The following ZFPM1 variants were observed in gnomAD, a reference collection of about 807,000 sequenced individuals.
The protein encoded by ZFPM1 is zinc finger protein ZFPM1.
Under a neutral mutation model 46.3 loss-of-function variants are expected in ZFPM1, and 28 were observed. The ratio of observed to expected loss-of-function variants is 0.60; its 90% CI spans 0.45 to 0.83. ZFPM1 has a LOEUF of 0.83. Ranked by LOEUF, ZFPM1 falls within the 40% of genes least tolerant of loss-of-function variation. The probability of loss-of-function intolerance (pLI) is 0.00; values close to 1 mark genes in which losing one functional copy is unlikely to be tolerated. For missense variants in ZFPM1, 1,878 were observed against 1,432.4 expected, an observed-to-expected ratio of 1.31 and a Z score of -5.02; for synonymous variants, 957 against 675.9, an observed-to-expected ratio of 1.42 and a Z score of -6.45.
At chr16:88,504,560 A>G (rs934639529) in intron 3 of ZFPM1, among the ~76,000 whole-genome samples, 11 of 152,124 alleles carry the variant, frequency 7.2e-5, no homozygotes, top group African/African-American at 2.4e-4. Flanking sequence ...GAGGTGCCGC[A>G]GAGTGGCAGA....
chr16:88,522,485 C>T (rs1911973884), intron 4 of ZFPM1, among the ~76,000 whole-genome samples: 1 of 152,234 alleles, frequency 6.6e-6, no homozygotes, highest in Non-Finnish European at 1.5e-5. Flanking sequence ...GGCCGTTTGG[C>T]TCCATGGGCC....
At position 88,534,870 on chromosome 16, in the gene ZFPM1, G is replaced by C; in HGVS notation, c.2912G>C (p.Gly971Ala). 6.4e-7 allele frequency: 1 copy of C among 1,567,104 alleles called. No homozygotes were observed. Among genetic ancestry groups the C allele is most frequent in the Non-Finnish European group, 8.6e-7 (1 of 1,162,324 alleles). The change falls in exon 10 of 10, where the codon GGC becomes GCC. Residue 971 changes from glycine to alanine, a missense_variant. Transcript: ENST00000319555. ...GGCACGCCGGCGCCGCTGCCCAACG[G>C]CAACCACCGGTACTGCCGTCTTTGC... ...SKGTPAPLPN[G>A]NHRYCRLCNI...
rs1172861959 is a variant in ZFPM1, at chr16:88,480,471, C to T, written c.41-5468C>T. Among the ~76,000 whole-genome samples, 3 of 152,124 alleles carry T rather than the reference C, an allele frequency of 2.0e-5. No individual in the cohort carries two copies. The highest frequency in any genetic ancestry group is 2.9e-5 in the Non-Finnish European group (2 of 67,988). ...GGTGCTGGTGGGGGAGGAGCGGGGC[C>T]GTGTGGCTGCCAGTGGTCACCCGCC... On this transcript the variant is annotated intron_variant, in intron 1 of 9. Coordinates refer to ENST00000319555, the MANE Select transcript of ZFPM1 (RefSeq NM_153813.3). The surrounding 1 kb of genome is among the most constrained non-coding windows in gnomAD (Gnocchi z 4.9).
intron 1 of ZFPM1, among the ~76,000 whole-genome samples, chr16:88,477,186 CAT>C (rs1178492560): frequency 6.6e-6 from 1 of 152,236 alleles, no homozygotes; most frequent in Non-Finnish European, 1.5e-5. Context: ...GCACAGTTCA[CAT>C]GAGTGCCGGG....
rs1913059598 is a variant in ZFPM1, at chr16:88,534,127, C to T, written c.2169C>T (p.Pro723=). ...PPRRPAAPPG[P]PGPAAPPAPS... ...GCCGACCGGCCGCGCCCCCGGGACC[C>T]CCTGGGCCGGCCGCGCCCCCGGCCC... is the stretch of plus-strand genomic sequence containing the variant. The change falls in exon 10 of 10, where the codon CCC becomes CCT. Residue 723 remains proline, a synonymous_variant. Transcript: ENST00000319555. 5 of 1,016,576 alleles carry T rather than the reference C, an allele frequency of 4.9e-6. No homozygotes were observed. Among genetic ancestry groups the T allele is most frequent in the Non-Finnish European group, 5.9e-6 (5 of 849,112 alleles). The allele number at this position is 1,016,576 out of a possible 1,614,324, so 63.0% of individuals were successfully genotyped here.
Position 88,534,984 on chromosome 16 carries a change from C to A in ZFPM1, c.*5C>A. On this transcript the variant is annotated 3_prime_UTR_variant, in exon 10 of 10. Transcript: ENST00000319555. ...GCCGCCGAGCACGTGAAGTGAGCGC[C>A]CACACTACAGCCGCAGACGCTTTGC... 2 of 1,420,510 alleles carry A rather than the reference C, an allele frequency of 1.4e-6. No individual in the cohort carries two copies. The highest frequency in any genetic ancestry group is 1.9e-6 in the Non-Finnish European group (2 of 1,072,248). The allele number at this position is 1,420,510 out of a possible 1,614,324, so 88.0% of individuals were successfully genotyped here.
rs1247682327 is a variant in ZFPM1, at chr16:88,501,661, G to A, written c.268+12508G>A. Among the ~76,000 whole-genome samples, 179 of 136,276 alleles carry A rather than the reference G, an allele frequency of 1.3e-3. 11 individuals are homozygous for A. The highest frequency in any genetic ancestry group is 3.0e-3 in the South Asian group (12 of 3,948). The allele number at this position is 136,276 out of a possible 152,430, so 89.4% of individuals were successfully genotyped here. ...TGCGTGGGCCATCGCGCAGGTGCTG[G>A]TGATGATAGAGATAGCGGGTGTGGG... On this transcript the variant is annotated intron_variant, in intron 3 of 9. Coordinates refer to ENST00000319555, the MANE Select transcript of ZFPM1 (RefSeq NM_153813.3).
chr16:88,484,272 C>G (rs1338432686), intron 1 of ZFPM1, among the ~76,000 whole-genome samples: 1 of 152,302 alleles, frequency 6.6e-6, no homozygotes, highest in Non-Finnish European at 1.5e-5. Flanking sequence ...AAGCCAGGAA[C>G]CACCTAGCCA....
intron 3 of ZFPM1, among the ~76,000 whole-genome samples, chr16:88,505,925 C>T (rs1305640715): frequency 2.6e-5 from 4 of 152,164 alleles, no homozygotes; most frequent in Non-Finnish European, 5.9e-5. Flanking sequence ...AGGCACCCCC[C>T]GCACCCCCAG....
intron 4 of ZFPM1, among the ~76,000 whole-genome samples, chr16:88,520,833 G>A (rs1597275153): frequency 1.1e-5 from 1 of 92,742 alleles, no homozygotes; most frequent in Non-Finnish European, 2.2e-5. Context: ...GGATGGATGG[G>A]AGGGAGGGAG....
At chr16:88,487,076 G>A (rs780115567) in intron 2 of ZFPM1, among the ~76,000 whole-genome samples, 7 of 152,186 alleles carry the variant, frequency 4.6e-5, no homozygotes, top group Admixed American at 1.3e-4. Flanking sequence ...TTCCCAAGCC[G>A]GAAGGAGGGC....
chr16:88,488,249 G>C (rs1182505589), intron 2 of ZFPM1, among the ~76,000 whole-genome samples: 1 of 152,104 alleles, frequency 6.6e-6, no homozygotes, highest in African/African-American at 2.4e-5. Context: ...GGCTTCCCGG[G>C]GAGCCAGGCT....
At chr16:88,502,650 A>G (rs915388169) in intron 3 of ZFPM1, among the ~76,000 whole-genome samples, 43 of 152,296 alleles carry the variant, frequency 2.8e-4, no homozygotes, top group African/African-American at 9.9e-4. Context: ...CGCAGGTCGG[A>G]GCCACCCGGT....
intron 1 of ZFPM1, among the ~76,000 whole-genome samples, chr16:88,485,300 G>C (rs1174589770): frequency 2.0e-5 from 3 of 152,198 alleles, no homozygotes; most frequent in African/African-American, 4.8e-5. Flanking sequence ...GAGACACGGG[G>C]TCCGCGGCCC....
At position 88,469,556 on chromosome 16, in the gene ZFPM1, T is replaced by C. The variant is rs1908317015; in HGVS notation, c.40+15878T>C. 6.6e-6 allele frequency among the ~76,000 whole-genome samples: 1 copy of C among 152,144 alleles called. No individual in the cohort carries two copies. The highest frequency in any genetic ancestry group is 1.5e-5 in the Non-Finnish European group (1 of 68,020). ...CCAGGAGACCATGTCTACAGGGGGC[T>C]TAGGACACCTTAGGGGGCATGCACC... On this transcript the variant is annotated intron_variant, in intron 1 of 9. Coordinates refer to ENST00000319555, the MANE Select transcript of ZFPM1 (RefSeq NM_153813.3). The surrounding 1 kb of genome is among the most constrained non-coding windows in gnomAD (Gnocchi z 4.3).
Position 88,533,930 on chromosome 16 carries a change from GC to G in ZFPM1, c.1973del (p.Ala658GlyfsTer140). Reference protein sequence around the residue: ...AGGAATPEDGAGGRGSEGSQS... With the variant: ...AGGAATPEDGXGGRGSEGSQS... ...GGGCGCGGCCACGCCCGAGGACGGC[GC>G]GGGCGGCCGGGGCAGCGAGGGCAGC... On this transcript the variant is annotated frameshift_variant, in exon 10 of 10. Transcript: ENST00000319555. LOFTEE classifies it low-confidence loss of function (END_TRUNC). The G allele has an allele frequency of 8.0e-7, 1 of 1,248,826 alleles. No homozygotes were observed. The highest frequency in any genetic ancestry group is 1.0e-6 in the Non-Finnish European group (1 of 976,876). 77.4% of individuals were successfully genotyped at this position (1,248,826 alleles called of 1,614,324 possible).
chr16:88,534,072 A>C lies in ZFPM1; in HGVS notation c.2114A>C (p.Tyr705Ser). 8.2e-7 allele frequency: 1 copy of C among 1,225,126 alleles called. No homozygotes were observed. The highest frequency in any genetic ancestry group is 1.6e-5 in the African/African-American group (1 of 61,130). The allele number at this position is 1,225,126 out of a possible 1,614,324, so 75.9% of individuals were successfully genotyped here. A position where few individuals can be genotyped will look rare whatever the true frequency, so the allele number is the denominator to read the frequency against. Reference sequence around the variant, plus strand: ...ACCTACACCGTGCACAAGCGGTACTACTGCGCCTCGCGCCACGACCCGCCG... The same window carrying C: ...ACCTACACCGTGCACAAGCGGTACTCCTGCGCCTCGCGCCACGACCCGCCG... ...HETYTVHKRYYCASRHDPPPR... is the reference protein window; with the variant it reads ...HETYTVHKRYSCASRHDPPPR... The change falls in exon 10 of 10, where the codon TAC becomes TCC. Residue 705 changes from tyrosine (Y) to serine (S), a missense_variant. Coordinates refer to ENST00000319555, the MANE Select transcript of ZFPM1 (RefSeq NM_153813.3).
rs78269030 is a variant in ZFPM1, at chr16:88,467,389, C to G, written c.40+13711C>G. Among the ~76,000 whole-genome samples the G allele has an allele frequency of 8.8e-3, 1,344 of 152,358 alleles. 19 individuals are homozygous for G. The highest frequency in any genetic ancestry group is 0.031 in the African/African-American group (1,298 of 41,580). On this transcript the variant is annotated intron_variant, in intron 1 of 9. Coordinates refer to ENST00000319555, the MANE Select transcript of ZFPM1 (RefSeq NM_153813.3). ...AGCCTGCCCTGCAGGCCATGGCCAA[C>G]CCCCCTGAGGTCTCCCCACCCCTCC...
rs139569242 is a variant in ZFPM1, at chr16:88,490,419, G to A, written c.268+1266G>A. Reference sequence around the variant, plus strand: ...CGGGAGCAGATGGCCGATGCAGAGCGCGCAAGCGGCCGTAATGACACCAGC... The same window carrying A: ...CGGGAGCAGATGGCCGATGCAGAGCACGCAAGCGGCCGTAATGACACCAGC... On this transcript the variant is annotated intron_variant, in intron 3 of 9. Transcript: ENST00000319555. Among the ~76,000 whole-genome samples the A allele has an allele frequency of 8.9e-3, 1,350 of 152,368 alleles. 20 individuals carry two copies. The highest frequency in any genetic ancestry group is 0.031 in the African/African-American group (1,274 of 41,594).
Sources: gnomAD v4.1 joint callset for allele counts (sites outside exome capture counted in the v4.1 genomes callset) on GRCh38, gnomAD v4.1.1 for gene constraint, Gnocchi (gnomAD v3.1) non-coding constraint, MANE v1.5 for transcripts, NCBI Gene and HGNC (gene_info 2026-07-23, HGNC 2026-07-21) for gene names.